Variants in CERT1 observed in about 807,000 individuals in gnomAD.
The protein encoded by CERT1 is ceramide transfer protein.
In CERT1, 31 loss-of-function variants were observed where a neutral mutation model predicts 87.9. The ratio of observed to expected loss-of-function variants is 0.35; its 90% CI spans 0.27 to 0.48. The LOEUF (loss-of-function observed/expected upper bound fraction) is 0.48. Among genes scored for constraint, CERT1 ranks in the 20% least tolerant of loss-of-function variants. The probability of loss-of-function intolerance (pLI) is 0.99; values close to 1 mark genes in which losing one functional copy is unlikely to be tolerated. For synonymous variants in CERT1, 289 were observed against 250.9 expected (o/e 1.15, Z -1.44); for missense variants, 487 against 758.0 (o/e 0.64, Z 4.20).
chr5:75,372,335 T>A (rs1243943366), intron 17 of CERT1: 2 of 127,366 alleles, frequency 1.6e-5, no homozygotes, highest in Non-Finnish European at 3.3e-5. Context: ...CATTCTCCCA[T>A]CCCAACCCCA....
chr5:75,511,525 A>G lies in CERT1; in HGVS notation c.-318T>C. The G allele has an allele frequency of 6.8e-7, 1 of 1,467,526 alleles. No individual in the cohort carries two copies. The highest frequency in any genetic ancestry group is 9.0e-7 in the Non-Finnish European group (1 of 1,111,026). 90.9% of individuals were successfully genotyped at this position (1,467,526 alleles called of 1,614,324 possible). On this transcript the variant is annotated 5_prime_UTR_variant, in exon 1 of 17. Coordinates refer to ENST00000643780, the MANE Select transcript of CERT1 (RefSeq NM_001379029.1). The stretch of plus-strand genomic sequence containing the variant: ...AGCCCCCTCGATGCCAATTTCAAAT[A>G]GGGAAGGAAAAGGGAAAAGAAGGGA...
intron 17 of CERT1, chr5:75,370,516 C>T (rs1220571598): frequency 1.3e-5 from 2 of 152,180 alleles, no homozygotes; most frequent in Non-Finnish European, 2.9e-5. Context: ...TCTTTTAAAA[C>T]TTCTGGATGT....
intron 2 of CERT1, among the ~76,000 whole-genome samples, chr5:75,504,462 T>C (rs1248224260): frequency 6.6e-6 from 1 of 152,170 alleles, no homozygotes; most frequent in Non-Finnish European, 1.5e-5. Context: ...AAACTTTGAA[T>C]ATACAAGGGG....
chr5:75,466,198 T>C (rs1020704089), intron 2 of CERT1, among the ~76,000 whole-genome samples: 2 of 152,158 alleles, frequency 1.3e-5, no homozygotes, highest in African/African-American at 4.8e-5. Context: ...GGACATTAGA[T>C]AAGGATTAGA....
chr5:75,402,972 C>T lies in CERT1; in HGVS notation c.1017G>A (p.Gln339=). The T allele has an allele frequency of 6.3e-7, 1 of 1,584,706 alleles. No homozygotes were observed. The highest frequency in any genetic ancestry group is 1.1e-5 in the South Asian group (1 of 90,350). ...ALDRQDKIEE[Q]SQSEKVRLHW... is the part of the protein sequence containing the mutation. ...TTAGAATTTTCAATAATAGATATAC[C>T]TGTTCTTCTATTTTATCTTGTCTGT... Residue 339 remains glutamine (Q), a splice_region_variant and synonymous_variant, in exon 9 of 17, where the codon CAG becomes CAA. Transcript: ENST00000643780.
intron 2 of CERT1, among the ~76,000 whole-genome samples, chr5:75,497,498 T>A (rs1470575090): frequency 6.6e-6 from 1 of 152,096 alleles, no homozygotes; most frequent in Non-Finnish European, 1.5e-5. Flanking sequence ...TTTGGCTGCA[T>A]CCCCATCCAA....
intron 11 of CERT1, among the ~76,000 whole-genome samples, chr5:75,390,175 T>C (rs1761972859): frequency 6.6e-6 from 1 of 152,122 alleles, no homozygotes; most frequent in African/African-American, 2.4e-5. Flanking sequence ...TTTGCTCTCA[T>C]ACGAGCAAAG....
chr5:75,398,343 A>T (rs1484884065), intron 11 of CERT1, among the ~76,000 whole-genome samples: 39 of 152,348 alleles, frequency 2.6e-4, no homozygotes, highest in African/African-American at 7.0e-4. Flanking sequence ...TATTAGCTCA[A>T]AGAAATTATG....
chr5:75,370,391 G>T (rs1228284455), intron 17 of CERT1: 3 of 152,142 alleles, frequency 2.0e-5, no homozygotes, highest in Non-Finnish European at 4.4e-5. Flanking sequence ...AAATAAATGA[G>T]ATTATTTATT....
intron 3 of CERT1, among the ~76,000 whole-genome samples, chr5:75,446,253 T>C (rs566990998): frequency 1.3e-5 from 2 of 152,358 alleles, no homozygotes; most frequent in South Asian, 2.1e-4. Context: ...AGTTCACTGA[T>C]TGTTCTGTTT....
chr5:75,378,485 T>C lies in CERT1; in HGVS notation c.*861A>G, dbSNP rs1761416375. On this transcript the variant is annotated 3_prime_UTR_variant, in exon 17 of 17. Transcript: ENST00000643780. Reference sequence around the variant, plus strand: ...ATAAAGGTGTTCAGTGCTGTACTGGTTGACAGTAAAAATATGGAACCAACT... The same window carrying C: ...ATAAAGGTGTTCAGTGCTGTACTGGCTGACAGTAAAAATATGGAACCAACT... 1 of 152,258 alleles carries C rather than the reference T, an allele frequency of 6.6e-6. No homozygotes were observed. Among genetic ancestry groups the C allele is most frequent in the East Asian group, 1.9e-4 (1 of 5,176 alleles). The allele number at this position is 152,258 out of a possible 1,614,324, so 9.4% of individuals were successfully genotyped here.
intron 8 of CERT1, among the ~76,000 whole-genome samples, chr5:75,408,971 A>G (rs1046586484): frequency 1.3e-5 from 2 of 152,128 alleles, no homozygotes; most frequent in Non-Finnish European, 2.9e-5. Context: ...GCAGAGATAA[A>G]TATGTACACA....
intron 2 of CERT1, among the ~76,000 whole-genome samples, chr5:75,471,413 T>C (rs1387137752): frequency 6.6e-6 from 1 of 152,150 alleles, no homozygotes; most frequent in Non-Finnish European, 1.5e-5. Flanking sequence ...ACAACATCAT[T>C]AGGTGATAGA....
chr5:75,458,900 A>G (rs1020668543), intron 3 of CERT1, among the ~76,000 whole-genome samples, 165 bp downstream of exon 3: 4 of 152,232 alleles, frequency 2.6e-5, no homozygotes, highest in African/African-American at 9.6e-5. Context: ...AGTGTTAAAA[A>G]TAAAAATTAT....
chr5:75,380,959 A>G, intron 16 of CERT1, 113 bp downstream of exon 16: 1 of 1,127,648 alleles, frequency 8.9e-7, no homozygotes, highest in African/African-American at 1.6e-5. Flanking sequence ...CCAAATTAAA[A>G]ATTAGTAATC....
chr5:75,460,021 C>G (rs1765161274), intron 2 of CERT1, among the ~76,000 whole-genome samples: 1 of 146,954 alleles, frequency 6.8e-6, no homozygotes, highest in Non-Finnish European at 1.5e-5. Flanking sequence ...CCAGGCTGGT[C>G]TCGAACTCCT....
chr5:75,506,391 G>C (rs1261279824), intron 1 of CERT1, among the ~76,000 whole-genome samples: 1 of 152,114 alleles, frequency 6.6e-6, no homozygotes, highest in Non-Finnish European at 1.5e-5. Context: ...TAAAACGAAA[G>C]CCAGATTTTG....
chr5:75,468,938 A>C (rs1765583425), intron 2 of CERT1, among the ~76,000 whole-genome samples: 1 of 152,214 alleles, frequency 6.6e-6, no homozygotes, highest in Non-Finnish European at 1.5e-5. Flanking sequence ...CTTATCAAAC[A>C]GACAAAATAA....
At chr5:75,461,567 T>C (rs546242246) in intron 2 of CERT1, among the ~76,000 whole-genome samples, 46 of 152,344 alleles carry the variant, frequency 3.0e-4, no homozygotes, top group Admixed American at 1.5e-3. Flanking sequence ...TCCCATTATA[T>C]TTCCAGCCAG....
Sources: gnomAD v4.1 joint callset for allele counts (sites outside exome capture counted in the v4.1 genomes callset) on GRCh38, gnomAD v4.1.1 for gene constraint, MANE v1.5 for transcripts, NCBI Gene and HGNC (gene_info 2026-07-23, HGNC 2026-07-21) for gene names.